The following PLEKHG3 variants were observed in gnomAD, a reference collection of about 807,000 sequenced individuals.
PLEKHG3 encodes the protein pleckstrin homology domain-containing family G member 3.
A neutral mutation model predicts 94.9 loss-of-function variants in PLEKHG3; 62 were observed. The ratio of observed to expected loss-of-function variants is 0.65; its 90% CI spans 0.53 to 0.81. The LOEUF (loss-of-function observed/expected upper bound fraction) is 0.81. Ranked by LOEUF, PLEKHG3 falls within the 30% of genes least tolerant of loss-of-function variation. PLEKHG3 has a pLI of 0.00. For synonymous variants in PLEKHG3, 614 were observed against 654.0 expected (o/e 0.94, Z 0.93); for missense variants, 1,461 against 1,619.3 (o/e 0.90, Z 1.68).
In PLEKHG3 at chr14:64,728,176, G is replaced by T. The variant is rs1018593543; in HGVS notation, c.351+194G>T. ...TTGGGCCAGATCAGTAGCTTGGGCC[G>T]ACAGGAGTGAGCATCGTTGATAGGG... On this transcript the variant is annotated intron_variant, in intron 2 of 16. Transcript: ENST00000247226. This position sits in a 1 kb window ranked among gnomAD's most constrained non-coding sequence, Gnocchi z 5.9. Among the ~76,000 whole-genome samples the T allele has an allele frequency of 1.3e-5, 2 of 152,228 alleles. No homozygotes were observed. The highest frequency in any genetic ancestry group is 4.8e-5 in the African/African-American group (2 of 41,456).
At position 64,718,099 on chromosome 14, in the gene PLEKHG3, C is replaced by T. The variant is rs1044524810; in HGVS notation, c.-39-9494C>T. On this transcript the variant is annotated intron_variant, in intron 1 of 16. Transcript: ENST00000247226. The surrounding 1 kb of genome is among the most constrained non-coding windows in gnomAD (Gnocchi z 5.0). Reference sequence around the variant, plus strand: ...ATCTCTTCACCTGGCAAAGCTTACTCGTCATTTATGACTCAGCTAAGATGT... The same window carrying T: ...ATCTCTTCACCTGGCAAAGCTTACTTGTCATTTATGACTCAGCTAAGATGT... 6.6e-6 allele frequency among the ~76,000 whole-genome samples: 1 copy of T among 152,226 alleles called. No individual in the cohort carries two copies. Among genetic ancestry groups the T allele is most frequent in the Admixed American group, 6.5e-5 (1 of 15,288 alleles).
At position 64,722,694 on chromosome 14, in the gene PLEKHG3, C is replaced by T. The variant is rs963059162; in HGVS notation, c.-39-4899C>T. Among the ~76,000 whole-genome samples, 4 of 152,168 alleles carry T rather than the reference C, an allele frequency of 2.6e-5. No homozygotes were observed. The highest frequency in any genetic ancestry group is 2.0e-4 in the Admixed American group (3 of 15,286). On this transcript the variant is annotated intron_variant, in intron 1 of 16. Coordinates refer to ENST00000247226, the MANE Select transcript of PLEKHG3 (RefSeq NM_001308147.2). The surrounding 1 kb of genome is among the most constrained non-coding windows in gnomAD (Gnocchi z 4.3). ...GGGTGAAGGGCAGTGGATGAAATGA[C>T]GACATCAGCCTCTGAACCAGAATGT...
chr14:64,719,619 G>A (rs748536006), intron 1 of PLEKHG3, among the ~76,000 whole-genome samples: 2 of 152,032 alleles, frequency 1.3e-5, no homozygotes, highest in Non-Finnish European at 2.9e-5. Context: ...TACTGCATCT[G>A]TGCATATTCT....
At chr14:64,740,163 G>T (rs1441361624) in intron 15 of PLEKHG3, among the ~76,000 whole-genome samples, 1 of 152,082 alleles carries the variant, frequency 6.6e-6, no homozygotes, top group Non-Finnish European at 1.5e-5. Flanking sequence ...CCCCATTTCG[G>T]GTGCTCAGAA....
intron 1 of PLEKHG3, among the ~76,000 whole-genome samples, chr14:64,708,956 G>A (rs145270777): frequency 6.6e-6 from 1 of 152,304 alleles, no homozygotes; most frequent in African/African-American, 2.4e-5. Flanking sequence ...TGCAAAGAGG[G>A]CCCTGAACAG....
rs1315703857 is a variant in PLEKHG3, at chr14:64,727,515, C to T, written c.-39-78C>T. Reference sequence around the variant, plus strand: ...AATACCTTCCCACCCCACCTGCCCCCACCCCTGGCAACCGTCCCTCTGTTC... The same window carrying T: ...AATACCTTCCCACCCCACCTGCCCCTACCCCTGGCAACCGTCCCTCTGTTC... On this transcript the variant is annotated intron_variant, in intron 1 of 16. Coordinates refer to ENST00000247226, the MANE Select transcript of PLEKHG3 (RefSeq NM_001308147.2). This position sits in a 1 kb window ranked among gnomAD's most constrained non-coding sequence, Gnocchi z 6.0. The T allele has an allele frequency of 1.8e-6, 1 of 542,464 alleles. No individual in the cohort carries two copies. The highest frequency in any genetic ancestry group is 1.9e-5 in the African/African-American group (1 of 51,974). 33.6% of individuals were successfully genotyped at this position (542,464 alleles called of 1,614,324 possible). A position where few individuals can be genotyped will look rare whatever the true frequency, so the allele number is the denominator to read the frequency against.
In PLEKHG3 at chr14:64,731,109, C is replaced by T. The variant is rs1366618157; in HGVS notation, c.789C>T (p.Thr263=). 3 of 1,610,278 alleles carry T rather than the reference C, an allele frequency of 1.9e-6. No individual in the cohort carries two copies. The highest frequency in any genetic ancestry group is 2.7e-5 in the African/African-American group (2 of 74,810). Residue 263 remains threonine, a synonymous_variant, in exon 7 of 17, where the codon ACC becomes ACT. Coordinates refer to ENST00000247226, the MANE Select transcript of PLEKHG3 (RefSeq NM_001308147.2). The surrounding 1 kb of genome is among the most constrained non-coding windows in gnomAD (Gnocchi z 6.1). ...EVVEDAIDTM[T]CVAWYINDMK... is the part of the protein sequence containing the mutation. ...TGGAGGATGCCATTGACACCATGACCTGTGTGGCCTGGTACATCAACGACA... is the reference window on the plus strand; with the variant it reads ...TGGAGGATGCCATTGACACCATGACTTGTGTGGCCTGGTACATCAACGACA...
At position 64,732,125 on chromosome 14, in the gene PLEKHG3, A is replaced by T; in HGVS notation, c.1156A>T (p.Thr386Ser). The T allele has an allele frequency of 6.2e-7, 1 of 1,613,926 alleles. No homozygotes were observed. Among genetic ancestry groups the T allele is most frequent in the Non-Finnish European group, 8.5e-7 (1 of 1,179,924 alleles). ...GACAGTGGAGGAGAAACGGAACTGG[A>T]CTCACCACATCAAGAGGCTCATCCT... is the stretch of plus-strand genomic sequence containing the variant. ...AKTVEEKRNW[T>S]HHIKRLILEN... Residue 386 changes from threonine (T) to serine (S), a missense_variant, in exon 10 of 17, where the codon ACT (threonine) becomes TCT (serine). Thr to Ser is a moderately conservative substitution (Grantham distance 58). This residue lies in a region of PLEKHG3 where 1,201 missense variants were observed against 1,295.5 expected (regional missense o/e 0.93). Transcript: ENST00000247226. This position sits in a 1 kb window ranked among gnomAD's most constrained non-coding sequence, Gnocchi z 4.9.
In PLEKHG3 at chr14:64,730,974, C is replaced by G; in HGVS notation, c.717+25C>G. The G allele has an allele frequency of 6.2e-7, 1 of 1,613,582 alleles. No individual in the cohort carries two copies. The highest frequency in any genetic ancestry group is 1.1e-5 in the South Asian group (1 of 91,086). ...GGTAGCCCCTCGGTCCTCCCAAGCA[C>G]CTAGGGCCTGGGGAGGGCAGGGCCT... On this transcript the variant is annotated intron_variant, in intron 6 of 16. Transcript: ENST00000247226. This position sits in a 1 kb window ranked among gnomAD's most constrained non-coding sequence, Gnocchi z 5.4.
chr14:64,718,929 G>A lies in PLEKHG3; in HGVS notation c.-39-8664G>A, dbSNP rs1324822818. Among the ~76,000 whole-genome samples the A allele has an allele frequency of 6.6e-6, 1 of 152,112 alleles. No homozygotes were observed. Among genetic ancestry groups the A allele is most frequent in the African/African-American group, 2.4e-5 (1 of 41,402 alleles). On this transcript the variant is annotated intron_variant, in intron 1 of 16. Transcript: ENST00000247226. The surrounding 1 kb of genome is among the most constrained non-coding windows in gnomAD (Gnocchi z 5.0). ...TTCTGCTCTTGCTCAGGCCTGCGGT[G>A]CCCCCTGGCCCTGTTTCTCTCCAGC...
rs149209986 is a variant in PLEKHG3 at position 64,727,659 on chromosome 14, G to C, written c.28G>C (p.Asp10His). The change falls in exon 2 of 17, where the codon GAT becomes CAT. Residue 10 changes from aspartate to histidine, a missense_variant. Asp to His is a moderately conservative substitution (Grantham distance 81, BLOSUM62 -1). Transcript: ENST00000247226. This position sits in a 1 kb window ranked among gnomAD's most constrained non-coding sequence, Gnocchi z 6.0. The part of the protein sequence containing the change: MPVSTSLHQ[D>H]GSQERPVSLT... The stretch of plus-strand genomic sequence containing the variant: ...GCCTGTGTCCACCTCCCTCCACCAG[G>C]ATGGCAGCCAGGAGCGGCCGGTGAG... The C allele has an allele frequency of 1.2e-6, 2 of 1,612,380 alleles. No individual in the cohort carries two copies. Among genetic ancestry groups the C allele is most frequent in the Non-Finnish European group, 1.7e-6 (2 of 1,179,548 alleles).
Position 64,716,133 on chromosome 14 carries a change from G to T in PLEKHG3, c.-40+11429G>T, listed in dbSNP as rs1037268070. ...GGGCCAGGCCAGGGGATGGGAATGG[G>T]GTGGGATGGGGACTCTTTCAACTCC... On this transcript the variant is annotated intron_variant, in intron 1 of 16. Transcript: ENST00000247226. The surrounding 1 kb of genome is among the most constrained non-coding windows in gnomAD (Gnocchi z 5.0). 2.2e-5 allele frequency: 10 copies of T among 448,220 alleles called. No homozygotes were observed. The highest frequency in any genetic ancestry group is 2.0e-4 in the African/African-American group (10 of 49,838). 27.8% of individuals were successfully genotyped at this position (448,220 alleles called of 1,614,324 possible).
rs925702440 is a variant in PLEKHG3, at chr14:64,749,069, A to C, written c.*5366A>C. 74 of 448,692 alleles carry C rather than the reference A, an allele frequency of 1.6e-4. No individual in the cohort carries two copies. Among genetic ancestry groups the C allele is most frequent in the African/African-American group, 1.5e-3 (70 of 46,216 alleles). The allele number at this position is 448,692 out of a possible 1,614,324, so 27.8% of individuals were successfully genotyped here. On this transcript the variant is annotated 3_prime_UTR_variant, in exon 17 of 17. Coordinates refer to ENST00000247226, the MANE Select transcript of PLEKHG3 (RefSeq NM_001308147.2). This position sits in a 1 kb window ranked among gnomAD's most constrained non-coding sequence, Gnocchi z 4.7. ...GGCCTGGAGGCCCCAAAGGCGCCAG[A>C]GGAGCTGGGAGCCCCTGTCCCTGGA...
At chr14:64,708,893 C>T (rs2081019631) in intron 1 of PLEKHG3, among the ~76,000 whole-genome samples, 1 of 151,358 alleles carries the variant, frequency 6.6e-6, no homozygotes, top group Admixed American at 6.6e-5. Flanking sequence ...CTGGGACTGC[C>T]AGTTGGTGCC....
rs978966024 is a variant in PLEKHG3, at chr14:64,721,789, C to T, written c.-39-5804C>T. On this transcript the variant is annotated intron_variant, in intron 1 of 16. Coordinates refer to ENST00000247226, the MANE Select transcript of PLEKHG3 (RefSeq NM_001308147.2). This position sits in a 1 kb window ranked among gnomAD's most constrained non-coding sequence, Gnocchi z 4.3. ...CCCTAGGAGGGGGTCCTCCCCTCCC[C>T]CAGGAGAGCCCCTAGGGTGCAGGGA... Among the ~76,000 whole-genome samples, 2 of 152,134 alleles carry T rather than the reference C, an allele frequency of 1.3e-5. No homozygotes were observed. Among genetic ancestry groups the T allele is most frequent in the South Asian group, 2.1e-4 (1 of 4,834 alleles).
At chr14:64,724,566 G>A (rs535100288) in intron 1 of PLEKHG3, among the ~76,000 whole-genome samples, 2 of 152,290 alleles carry the variant, frequency 1.3e-5, no homozygotes, top group South Asian at 4.1e-4. Context: ...TTACCATATT[G>A]TTCCAGCCAG....
chr14:64,724,261 T>C (rs929750978), intron 1 of PLEKHG3, among the ~76,000 whole-genome samples: 6 of 152,120 alleles, frequency 3.9e-5, no homozygotes, highest in African/African-American at 1.4e-4. Context: ...CTGAGAGCGA[T>C]GCCTCTTATC....
In PLEKHG3 at chr14:64,749,592, G is replaced by C. The variant is rs1022670637; in HGVS notation, c.*5889G>C. 1 of 1,609,928 alleles carries C rather than the reference G, an allele frequency of 6.2e-7. No individual in the cohort carries two copies. The highest frequency in any genetic ancestry group is 8.5e-7 in the Non-Finnish European group (1 of 1,179,388). On this transcript the variant is annotated 3_prime_UTR_variant, in exon 17 of 17. Coordinates refer to ENST00000247226, the MANE Select transcript of PLEKHG3 (RefSeq NM_001308147.2). This position sits in a 1 kb window ranked among gnomAD's most constrained non-coding sequence, Gnocchi z 4.7. ...TTCTGAGGGGGCCTCCAGGGCAAGCGGCCTGGGGTCCTCCACCTACCCCCT... is the reference window on the plus strand; with the variant it reads ...TTCTGAGGGGGCCTCCAGGGCAAGCCGCCTGGGGTCCTCCACCTACCCCCT...
Position 64,731,198 on chromosome 14 carries a change from G to T in PLEKHG3, c.849+29G>T. ...CTCTGGGGCTGGGACGCTGGGGGAG[G>T]GGCAGGGCTGGGTGGGCCAGGCTTC... On this transcript the variant is annotated intron_variant, in intron 7 of 16. Transcript: ENST00000247226. This position sits in a 1 kb window ranked among gnomAD's most constrained non-coding sequence, Gnocchi z 6.1. 6.3e-7 allele frequency: 1 copy of T among 1,580,570 alleles called. No homozygotes were observed. Among genetic ancestry groups the T allele is most frequent in the African/African-American group, 1.3e-5 (1 of 74,450 alleles).
Sources: allele counts gnomAD v4.1 joint callset (sites outside exome capture counted in the v4.1 genomes callset), GRCh38; gene constraint gnomAD v4.1.1; regional missense constraint gnomAD v4.1.1; non-coding constraint Gnocchi (gnomAD v3.1); transcripts MANE v1.5; gene names NCBI Gene and HGNC (gene_info 2026-07-23, HGNC 2026-07-21).